The following GPC5 variants were observed in gnomAD, a reference collection of about 807,000 sequenced individuals.
GPC5 encodes the protein glypican 5.
GPC5 carries 47 observed loss-of-function variants against 53.9 expected under a neutral mutation model. The observed-to-expected ratio is 0.87, with a 90% CI of 0.69 to 1.11. The LOEUF (loss-of-function observed/expected upper bound fraction) is 1.11, where lower values mean the gene tolerates loss of function less well. Ranked by LOEUF, GPC5 falls within the 50% of genes most tolerant of loss-of-function variation. GPC5 has a pLI of 0.00. For synonymous variants in GPC5, 286 were observed against 263.3 expected, an observed-to-expected ratio of 1.09 and a Z score of -0.84; for missense variants, 748 against 713.1, an observed-to-expected ratio of 1.05 and a Z score of -0.56.
intron 7 of GPC5, chr13:92,241,995 A>C (rs1432652048): frequency 6.6e-6 from 1 of 152,322 alleles, no homozygotes; most frequent in Admixed American, 6.5e-5. Context: ...CACTATGCAA[A>C]GCCAAGGCAG....
chr13:92,704,915 TTATATGGATATA>T (rs1887899678), intron 7 of GPC5, among the ~76,000 whole-genome samples: 1 of 151,412 alleles, frequency 6.6e-6, no homozygotes, highest in South Asian at 2.1e-4. Context: ...ATATATACAC[TTATATGGATATA>T]TATATACTTG....
chr13:92,731,201 A>G (rs1566389619), intron 7 of GPC5, among the ~76,000 whole-genome samples: 1 of 151,498 alleles, frequency 6.6e-6, no homozygotes, highest in Non-Finnish European at 1.5e-5. Flanking sequence ...GCTTATATTA[A>G]GTAAAAACAG....
chr13:92,495,110 G>A (rs948002223), intron 7 of GPC5, among the ~76,000 whole-genome samples: 7 of 152,092 alleles, frequency 4.6e-5, no homozygotes, highest in South Asian at 2.1e-4. Flanking sequence ...TTCTGAGTTC[G>A]TCAGTCTAGA....
At chr13:91,512,584 CT>C (rs1216903210) in intron 2 of GPC5, among the ~76,000 whole-genome samples, 1 of 152,234 alleles carries the variant, frequency 6.6e-6, no homozygotes, top group Non-Finnish European at 1.5e-5. Flanking sequence ...ACTTTCAAAC[CT>C]CCTGCCCTTC....
intron 7 of GPC5, among the ~76,000 whole-genome samples, chr13:92,390,898 A>T (rs1194148745): frequency 6.6e-6 from 1 of 152,196 alleles, no homozygotes; most frequent in Non-Finnish European, 1.5e-5. Context: ...CTTTGGTTCA[A>T]CTGGTCACAT....
intron 6 of GPC5, among the ~76,000 whole-genome samples, chr13:91,952,189 CTG>C (rs1555299530): frequency 3.4e-5 from 4 of 119,288 alleles, no homozygotes; most frequent in Non-Finnish European, 4.0e-5. Context: ...CTCTCTCTCT[CTG>C]TGTGTGTGTG....
At chr13:92,061,824 C>T (rs1366334699) in intron 6 of GPC5, among the ~76,000 whole-genome samples, 4 of 151,938 alleles carry the variant, frequency 2.6e-5, no homozygotes, top group Non-Finnish European at 5.9e-5. Flanking sequence ...GCAAATAAGT[C>T]TGTGGGCCTC....
intron 2 of GPC5, among the ~76,000 whole-genome samples, chr13:91,542,716 TC>T (rs1371492653): frequency 6.6e-6 from 1 of 152,066 alleles, no homozygotes; most frequent in Non-Finnish European, 1.5e-5. Flanking sequence ...AGAGTGTTCC[TC>T]TTATTGCCCA....
intron 7 of GPC5, among the ~76,000 whole-genome samples, chr13:92,711,859 T>C (rs1387794446): frequency 6.6e-6 from 1 of 151,658 alleles, no homozygotes; most frequent in Admixed American, 6.6e-5. Context: ...GAGAAAAAAA[T>C]AGTAATTACA....
chr13:91,846,165 T>C (rs2038846638), intron 5 of GPC5, among the ~76,000 whole-genome samples: 1 of 152,142 alleles, frequency 6.6e-6, no homozygotes, highest in African/African-American at 2.4e-5. Flanking sequence ...ACACTTTACA[T>C]ATCCCCTAGT....
intron 7 of GPC5, chr13:92,240,946 T>C (rs1347722756): frequency 6.6e-6 from 1 of 152,220 alleles, no homozygotes; most frequent in African/African-American, 2.4e-5. Flanking sequence ...TTAGGTGGAA[T>C]ACCTATAGCT....
chr13:91,916,794 A>G (rs1034699561), intron 6 of GPC5, among the ~76,000 whole-genome samples: 14 of 152,180 alleles, frequency 9.2e-5, no homozygotes, highest in African/African-American at 2.9e-4. Flanking sequence ...AGACACTTAT[A>G]AAACCATCAA....
intron 2 of GPC5, among the ~76,000 whole-genome samples, chr13:91,546,078 A>G (rs758121591): frequency 6.6e-5 from 10 of 152,136 alleles, no homozygotes; most frequent in Non-Finnish European, 1.3e-4. Context: ...CAATGAAATA[A>G]TAAGTTTTCA....
chr13:91,913,635 C>T (rs889510192), intron 6 of GPC5, among the ~76,000 whole-genome samples: 17 of 152,100 alleles, frequency 1.1e-4, no homozygotes, highest in African/African-American at 3.9e-4. Context: ...CCTTCATTCC[C>T]TCTGCAAATC....
At chr13:92,524,893 A>G (rs1881214207) in intron 7 of GPC5, among the ~76,000 whole-genome samples, 1 of 152,114 alleles carries the variant, frequency 6.6e-6, no homozygotes, top group South Asian at 2.1e-4. Flanking sequence ...AGATATGGAG[A>G]TGCGTAGGGA....
intron 7 of GPC5, among the ~76,000 whole-genome samples, chr13:92,803,657 T>C (rs1876989102): frequency 6.6e-6 from 1 of 151,906 alleles, no homozygotes; most frequent in African/African-American, 2.4e-5. Context: ...AACTTGTAAC[T>C]TTTTCTCAGA....
At chr13:92,650,218 T>C (rs939544346) in intron 7 of GPC5, among the ~76,000 whole-genome samples, 5 of 152,132 alleles carry the variant, frequency 3.3e-5, no homozygotes, top group Admixed American at 3.3e-4. Flanking sequence ...TTTTGAATTT[T>C]TCAAAACCTA....
intron 7 of GPC5, among the ~76,000 whole-genome samples, chr13:92,461,274 T>C (rs542830789): frequency 6.6e-6 from 1 of 152,332 alleles, no homozygotes; most frequent in East Asian, 1.9e-4. Context: ...TGTATTGAGC[T>C]GCTTCTATGG....
intron 3 of GPC5, among the ~76,000 whole-genome samples, chr13:91,720,627 C>T (rs1206721224): frequency 6.6e-6 from 1 of 152,128 alleles, no homozygotes; most frequent in Non-Finnish European, 1.5e-5. Context: ...CCTGATCTCT[C>T]CCTTGAGCTT....
Sources: allele counts gnomAD v4.1 joint callset (sites outside exome capture counted in the v4.1 genomes callset), GRCh38; gene constraint gnomAD v4.1.1; transcripts MANE v1.5; gene names NCBI Gene and HGNC (gene_info 2026-07-23, HGNC 2026-07-21).